WWP2: variants seen among roughly 807,000 people sequenced by gnomAD.
WWP2 encodes WW domain containing E3 ubiquitin protein ligase 2, also known as NEDD4-like E3 ubiquitin-protein ligase WWP2.
In WWP2, 57 loss-of-function variants were observed where a neutral mutation model predicts 121.0. That is an observed-to-expected ratio of 0.47 (90% CI 0.38 to 0.59). WWP2 has a LOEUF of 0.59. Ranked by LOEUF, WWP2 falls within the 20% of genes least tolerant of loss-of-function variation. WWP2 has a pLI of 0.00. For synonymous variants in WWP2, 449 were observed against 441.3 expected (o/e 1.02, Z -0.22); for missense variants, 962 against 1,158.9 (o/e 0.83, Z 2.47).
At chr16:69,785,124 C>G (rs1354241056) in intron 1 of WWP2, among the ~76,000 whole-genome samples, 1 of 151,174 alleles carries the variant, frequency 6.6e-6, no homozygotes, top group Non-Finnish European at 1.5e-5. Context: ...TTCCAGCTAC[C>G]CATGAGGCTG....
At chr16:69,927,604 C>A (rs889093413) in intron 11 of WWP2, among the ~76,000 whole-genome samples, 1 of 152,244 alleles carries the variant, frequency 6.6e-6, no homozygotes, top group Non-Finnish European at 1.5e-5. Context: ...AGGCCTCAAG[C>A]CCGCTGGACA....
intron 11 of WWP2, among the ~76,000 whole-genome samples, chr16:69,926,336 T>C (rs1171883199): frequency 1.3e-5 from 2 of 152,126 alleles, no homozygotes; most frequent in Non-Finnish European, 2.9e-5. Context: ...CCAGCATGTG[T>C]TGGGTTTCAT....
At chr16:69,814,480 G>A (rs1196401027) in intron 4 of WWP2, among the ~76,000 whole-genome samples, 1 of 152,118 alleles carries the variant, frequency 6.6e-6, no homozygotes, top group East Asian at 1.9e-4. Flanking sequence ...CTTCACATCT[G>A]TAATGCACAG....
intron 7 of WWP2, among the ~76,000 whole-genome samples, chr16:69,879,139 AT>A (rs1189285163): frequency 6.6e-6 from 1 of 151,894 alleles, no homozygotes; most frequent in East Asian, 1.9e-4. Context: ...TCCTTCCGAG[AT>A]TTAGAAGTTT....
chr16:69,790,574 C>CT (rs201194810), intron 2 of WWP2, among the ~76,000 whole-genome samples: 2,930 of 151,282 alleles, frequency 0.019, 202 homozygotes, highest in Admixed American at 0.14. Flanking sequence ...TGTTTAGCAT[C>CT]TTTTTTTTTG....
chr16:69,921,694 C>T (rs926383241), intron 10 of WWP2, among the ~76,000 whole-genome samples: 1 of 152,188 alleles, frequency 6.6e-6, no homozygotes, highest in Non-Finnish European at 1.5e-5. Flanking sequence ...CTGAAGATGC[C>T]TGGCACAGCC....
At position 69,799,463 on chromosome 16, in the gene WWP2, C is replaced by T; in HGVS notation, c.340+168C>T. The T allele has an allele frequency of 2.3e-6, 2 of 883,300 alleles. No individual in the cohort carries two copies. Among genetic ancestry groups the T allele is most frequent in the Non-Finnish European group, 3.3e-6 (2 of 603,878 alleles). The allele number at this position is 883,300 out of a possible 1,614,324, so 54.7% of individuals were successfully genotyped here. On this transcript the variant is annotated intron_variant, in intron 4 of 23. Transcript: ENST00000359154. This position sits in a 1 kb window ranked among gnomAD's most constrained non-coding sequence, Gnocchi z 4.5. ...GAAGGCTGAGGGCTCCTCTCTGCCTCCACTACAGAGTTTAGCCCTCTTTGT... is the reference window on the plus strand; with the variant it reads ...GAAGGCTGAGGGCTCCTCTCTGCCTTCACTACAGAGTTTAGCCCTCTTTGT...
chr16:69,841,325 A>G (rs952036734), intron 5 of WWP2, among the ~76,000 whole-genome samples: 4 of 152,114 alleles, frequency 2.6e-5, no homozygotes, highest in Non-Finnish European at 2.9e-5. Flanking sequence ...GATCTCATCT[A>G]AGTTGCGGGG....
intron 6 of WWP2, among the ~76,000 whole-genome samples, chr16:69,867,796 A>T (rs1171111878): frequency 2.6e-5 from 4 of 152,158 alleles, no homozygotes; most frequent in Admixed American, 2.6e-4. Flanking sequence ...TGCCATTCTA[A>T]CTGCTTTCTG....
intron 1 of WWP2, among the ~76,000 whole-genome samples, chr16:69,780,695 CTAAG>C (rs1244352372): frequency 1.3e-5 from 2 of 152,132 alleles, no homozygotes; most frequent in Non-Finnish European, 1.5e-5. Context: ...CAAATTTAGT[CTAAG>C]TGAGTCAAAA....
At position 69,937,762 on chromosome 16, in the gene WWP2, C is replaced by T; in HGVS notation, c.2343+110C>T. On this transcript the variant is annotated intron_variant, in intron 21 of 23. Coordinates refer to ENST00000359154, the MANE Select transcript of WWP2 (RefSeq NM_001270454.2). The surrounding 1 kb of genome is among the most constrained non-coding windows in gnomAD (Gnocchi z 6.6). ...ACCTTCAGCTTTGGCCCTGTCCTTG[C>T]CTCCCACACCTTGCAAAAGGAGACG... 1.0e-6 allele frequency: 1 copy of T among 974,016 alleles called. No homozygotes were observed. The highest frequency in any genetic ancestry group is 1.5e-5 in the South Asian group (1 of 67,564). The allele number at this position is 974,016 out of a possible 1,614,324, so 60.3% of individuals were successfully genotyped here.
At chr16:69,876,500 G>A (rs1165658892) in intron 7 of WWP2, among the ~76,000 whole-genome samples, 1 of 151,954 alleles carries the variant, frequency 6.6e-6, no homozygotes, top group Non-Finnish European at 1.5e-5. Context: ...AAGTAGCTGG[G>A]ATTACAGGCA....
Position 69,871,850 on chromosome 16 carries a change from G to A in WWP2, c.622G>A (p.Gly208Ser), listed in dbSNP as rs757805460. The change falls in exon 7 of 24, where the codon GGC (glycine) becomes AGC (serine). Residue 208 changes from glycine to serine, a missense_variant. By Grantham distance (56) the Gly-to-Ser change is moderately conservative (BLOSUM62 0). Around this residue, in one of 3 missense-constraint regions of WWP2, gnomAD observed 211 missense variants for 196.5 expected, o/e 1.07. Coordinates refer to ENST00000359154, the MANE Select transcript of WWP2 (RefSeq NM_001270454.2). ...TTCAGCCAGAACAACCCCAGCAACC[G>A]GCGAGCAAAGCCCCGGTGCTCGGAG... ...GASARTTPATGEQSPGARSRH... is the reference protein window; with the variant it reads ...GASARTTPATSEQSPGARSRH... 9.3e-6 allele frequency: 15 copies of A among 1,613,974 alleles called. No individual in the cohort carries two copies. Among genetic ancestry groups the A allele is most frequent in the African/African-American group, 5.3e-5 (4 of 74,922 alleles).
intron 6 of WWP2, among the ~76,000 whole-genome samples, chr16:69,847,514 A>G (rs1166551755): frequency 1.3e-5 from 2 of 149,378 alleles, no homozygotes; most frequent in South Asian, 2.1e-4. Flanking sequence ...GGTTCAAGCT[A>G]TTCTCCTGCC....
In WWP2 at chr16:69,857,655, C is replaced by CTTT. The variant is rs1166811815; in HGVS notation, c.576-14127_576-14125dup. On this transcript the variant is annotated intron_variant, in intron 6 of 23. Transcript: ENST00000359154. The stretch of plus-strand genomic sequence containing the variant: ...TTCAAATGGCCTTTGAAGGTCAACT[C>CTTT]TTTTTTTTTTTTTTTTTTTTTTTTG... Among the ~76,000 whole-genome samples the CTTT allele has an allele frequency of 8.1e-3, 582 of 71,874 alleles. 21 individuals carry two copies. Among genetic ancestry groups the CTTT allele is most frequent in the African/African-American group, 0.019 (324 of 17,082 alleles). 47.2% of individuals were successfully genotyped at this position (71,874 alleles called of 152,430 possible).
chr16:69,894,108 C>CACCA (rs1491351994), intron 8 of WWP2, among the ~76,000 whole-genome samples: 4 of 151,588 alleles, frequency 2.6e-5, no homozygotes, highest in Non-Finnish European at 4.4e-5. Flanking sequence ...TGGAGTCTCG[C>CACCA]TCTGTCACCC....
intron 11 of WWP2, among the ~76,000 whole-genome samples, chr16:69,928,841 A>G (rs1467949397): frequency 6.6e-6 from 1 of 152,232 alleles, no homozygotes; most frequent in Non-Finnish European, 1.5e-5. Context: ...TAAGCAAGAA[A>G]GAGGCGTGCC....
At chr16:69,891,310 T>C (rs1027858645) in intron 8 of WWP2, among the ~76,000 whole-genome samples, 1 of 152,186 alleles carries the variant, frequency 6.6e-6, no homozygotes, top group Non-Finnish European at 1.5e-5. Context: ...AGGGGACCAA[T>C]GAGAGAAGGA....
intron 4 of WWP2, among the ~76,000 whole-genome samples, chr16:69,802,307 G>A (rs2056186448): frequency 6.6e-6 from 1 of 152,116 alleles, no homozygotes; most frequent in Non-Finnish European, 1.5e-5. Flanking sequence ...TAGGTTAGTG[G>A]TGTTAAGTAC....
Sources: allele counts gnomAD v4.1 joint callset (sites outside exome capture counted in the v4.1 genomes callset), GRCh38; gene constraint gnomAD v4.1.1; regional missense constraint gnomAD v4.1.1; non-coding constraint Gnocchi (gnomAD v3.1); transcripts MANE v1.5; gene names NCBI Gene and HGNC (gene_info 2026-07-23, HGNC 2026-07-21).